Variants in KANK1 observed in about 807,000 individuals in gnomAD.
The protein encoded by KANK1 is KN motif and ankyrin repeat domains 1.
A neutral mutation model predicts 106.2 loss-of-function variants in KANK1; 109 were observed. That is an observed-to-expected ratio of 1.03 (90% CI 0.88 to 1.20). The LOEUF (loss-of-function observed/expected upper bound fraction) is 1.20. Ranked by LOEUF, KANK1 falls within the 50% of genes most tolerant of loss-of-function variation. The pLI is 0.00. For missense variants in KANK1, 2,399 were observed against 1,710.7 expected (o/e 1.40, Z -7.10); for synonymous variants, 873 against 652.2 (o/e 1.34, Z -5.16).
In KANK1 at chr9:634,373, C is replaced by T. The variant is rs973617731; in HGVS notation, c.-83-42517C>T. On this transcript the variant is annotated intron_variant, in intron 1 of 11. Coordinates refer to ENST00000382297, the MANE Select transcript of KANK1 (RefSeq NM_015158.5). ...TGGTTGAGTTATGAGTCCTGGCTCC[C>T]GGTGGGGTCACTCGGTTGCCTGAAT... Among the ~76,000 whole-genome samples, 9 of 152,116 alleles carry T rather than the reference C, an allele frequency of 5.9e-5. No individual in the cohort carries two copies. The South Asian group carries it at 6.2e-4, about 11-fold the overall frequency.
intron 1 of KANK1, among the ~76,000 whole-genome samples, chr9:606,568 A>G (rs1214422851): frequency 7.5e-6 from 1 of 133,144 alleles, no homozygotes; most frequent in Non-Finnish European, 1.7e-5. Flanking sequence ...GAAAAAAAAT[A>G]TATGTGTGTG....
At chr9:663,432 A>C (rs760543872) in intron 1 of KANK1, among the ~76,000 whole-genome samples, 39 of 152,348 alleles carry the variant, frequency 2.6e-4, no homozygotes, top group South Asian at 6.2e-4. Context: ...AAATGAAAGC[A>C]AATCAGTAAA....
intron 1 of KANK1, among the ~76,000 whole-genome samples, chr9:542,045 C>A (rs545908852): frequency 6.6e-6 from 1 of 151,038 alleles, no homozygotes. Flanking sequence ...GCCGAGATCG[C>A]GCCACTGCAC....
chr9:640,516 G>A (rs1055965422), intron 1 of KANK1, among the ~76,000 whole-genome samples: 1 of 151,804 alleles, frequency 6.6e-6, no homozygotes, highest in Admixed American at 6.6e-5. Flanking sequence ...TTCCACCTCA[G>A]CCTCCTGAGT....
chr9:676,850 T>G, intron 1 of KANK1, 40 bp from the exon 2 acceptor site: 7 of 733,310 alleles, frequency 9.5e-6, no homozygotes, highest in Non-Finnish European at 4.8e-6. Context: ...GTACATTTTT[T>G]AAATGATCCA....
intron 1 of KANK1, among the ~76,000 whole-genome samples, chr9:598,071 T>C (rs1826668207): frequency 1.3e-5 from 2 of 151,948 alleles, no homozygotes; most frequent in Admixed American, 6.5e-5. Flanking sequence ...CCCAACTTTA[T>C]TCTTTTGTAT....
intron 1 of KANK1, among the ~76,000 whole-genome samples, chr9:622,246 G>T (rs1027861500): frequency 3.9e-5 from 6 of 152,156 alleles, no homozygotes; most frequent in Non-Finnish European, 8.8e-5. Context: ...GGAGCACAAA[G>T]AAGTTAATAA....
chr9:606,165 AC>A (rs1421601067), intron 1 of KANK1, among the ~76,000 whole-genome samples: 4 of 151,066 alleles, frequency 2.6e-5, no homozygotes, highest in African/African-American at 7.4e-5. Context: ...ACACACACAC[AC>A]ACACACACAC....
intron 1 of KANK1, among the ~76,000 whole-genome samples, chr9:537,088 A>G (rs1166400011): frequency 1.3e-5 from 2 of 152,228 alleles, no homozygotes; most frequent in East Asian, 3.9e-4. Flanking sequence ...TTATGGTGAA[A>G]TTAAGAACTA....
rs140581308 is a variant in KANK1, at chr9:561,158, G to C, written c.-84+56404G>C. Reference sequence around the variant, plus strand: ...AGTTGAAAGGCTATCGGGGTGGAAAGGAGAGCAAAGTTAATTCTCAACTTC... The same window carrying C: ...AGTTGAAAGGCTATCGGGGTGGAAACGAGAGCAAAGTTAATTCTCAACTTC... On this transcript the variant is annotated intron_variant, in intron 1 of 11. Transcript: ENST00000382297. Among the ~76,000 whole-genome samples, 796 of 152,274 alleles carry C rather than the reference G, an allele frequency of 5.2e-3. 4 individuals are homozygous for C. Among genetic ancestry groups the C allele is most frequent in the Middle Eastern group, 0.01 (3 of 294 alleles).
rs376363600 is a variant in KANK1, at chr9:711,312, C to G, written c.546C>G (p.Pro182=). ...MQMTPGEFRR[P]RLASFGGMGT... ...TGACACCGGGTGAGTTCAGAAGGCC[C>G]AGGCTGGCCAGTTTTGGAGGCATGG... Residue 182 remains proline, a synonymous_variant, in exon 3 of 12, where the codon CCC becomes CCG. Coordinates refer to ENST00000382297, the MANE Select transcript of KANK1 (RefSeq NM_015158.5). 1 of 1,614,166 alleles carries G rather than the reference C, an allele frequency of 6.2e-7. No homozygotes were observed. The highest frequency in any genetic ancestry group is 1.3e-5 in the African/African-American group (1 of 75,036).
chr9:664,142 G>T (rs1217154222), intron 1 of KANK1, among the ~76,000 whole-genome samples: 1 of 152,108 alleles, frequency 6.6e-6, no homozygotes, highest in Admixed American at 6.5e-5. Flanking sequence ...AACTGTAGTT[G>T]TCCTACTGAT....
chr9:608,200 G>A (rs1299365997), intron 1 of KANK1, among the ~76,000 whole-genome samples: 4 of 149,714 alleles, frequency 2.7e-5, no homozygotes, highest in Non-Finnish European at 5.9e-5. Flanking sequence ...ACCGCGCCCG[G>A]CTAATTTTTT....
chr9:541,082 T>C (rs2060570460), intron 1 of KANK1, among the ~76,000 whole-genome samples: 1 of 152,018 alleles, frequency 6.6e-6, no homozygotes, highest in Non-Finnish European at 1.5e-5. Context: ...CTTGTAGTGC[T>C]GCTTTTGCTG....
chr9:654,033 A>C (rs1420454931), intron 1 of KANK1, among the ~76,000 whole-genome samples: 1 of 152,202 alleles, frequency 6.6e-6, no homozygotes, highest in Non-Finnish European at 1.5e-5. Context: ...TTCCACATGA[A>C]AGACACAAAC....
At chr9:559,962 TAC>T (rs1815955433) in intron 1 of KANK1, among the ~76,000 whole-genome samples, 2 of 152,240 alleles carry the variant, frequency 1.3e-5, no homozygotes, top group South Asian at 4.1e-4. Flanking sequence ...GTATTGTAGT[TAC>T]GTGTCATCCT....
At chr9:638,279 C>T (rs1837604129) in intron 1 of KANK1, among the ~76,000 whole-genome samples, 1 of 152,140 alleles carries the variant, frequency 6.6e-6, no homozygotes, top group African/African-American at 2.4e-5. Context: ...AGTCCAAGAT[C>T]AGGGGGACAT....
intron 1 of KANK1, among the ~76,000 whole-genome samples, chr9:582,879 T>G (rs1362939936): frequency 6.6e-6 from 1 of 152,230 alleles, no homozygotes; most frequent in Non-Finnish European, 1.5e-5. Flanking sequence ...CACTAACATA[T>G]AAGCCGGTGA....
At chr9:647,267 A>G (rs1230533782) in intron 1 of KANK1, among the ~76,000 whole-genome samples, 1 of 116,876 alleles carries the variant, frequency 8.6e-6, no homozygotes, top group Non-Finnish European at 1.6e-5. Flanking sequence ...TGTTCTCATT[A>G]ATTTTCTAAT....
Sources: allele counts gnomAD v4.1 joint callset (sites outside exome capture counted in the v4.1 genomes callset), GRCh38; gene constraint gnomAD v4.1.1; transcripts MANE v1.5; gene names NCBI Gene and HGNC (gene_info 2026-07-23, HGNC 2026-07-21).